The following FANCI variants were observed in gnomAD, a reference collection of about 807,000 sequenced individuals.
The protein encoded by FANCI is FA complementation group I.
FANCI carries 156 observed loss-of-function variants against 176.1 expected under a neutral mutation model. The ratio of observed to expected loss-of-function variants is 0.89; its 90% CI spans 0.78 to 1.01. FANCI has a LOEUF of 1.01. Ranked by LOEUF, FANCI falls within the 50% of genes least tolerant of loss-of-function variation. FANCI has a pLI of 0.00. For synonymous variants in FANCI, 613 were observed against 541.7 expected (o/e 1.13, Z -1.83); for missense variants, 1,678 against 1,534.1 (o/e 1.09, Z -1.57).
chr15:89,313,998 CACACAA>C (rs2055081881), intron 35 of FANCI, among the ~76,000 whole-genome samples: 1 of 149,088 alleles, frequency 6.7e-6, no homozygotes, highest in African/African-American at 2.5e-5. Context: ...CACACACACA[CACACAA>C]ATGTAGGACC....
At chr15:89,298,447 C>T (rs1221002745) in intron 24 of FANCI, among the ~76,000 whole-genome samples, 1 of 152,146 alleles carries the variant, frequency 6.6e-6, no homozygotes, top group African/African-American at 2.4e-5. Flanking sequence ...TGGAAACAAA[C>T]AGACAACATG....
intron 2 of FANCI, among the ~76,000 whole-genome samples, chr15:89,253,958 G>T (rs542280788): frequency 6.6e-6 from 1 of 152,216 alleles, no homozygotes; most frequent in African/African-American, 2.4e-5. Context: ...CTCACAAAGT[G>T]CTGGGATTAC....
At chr15:89,256,194 G>C (rs548972249) in intron 2 of FANCI, among the ~76,000 whole-genome samples, 3 of 152,306 alleles carry the variant, frequency 2.0e-5, no homozygotes, top group East Asian at 3.9e-4. Flanking sequence ...GTGGTGGGCT[G>C]TCCAGTGCAT....
Position 89,316,966 on chromosome 15 carries a change from A to C in FANCI, c.*507A>C. 2 of 707,314 alleles carry C rather than the reference A, an allele frequency of 2.8e-6. No individual in the cohort carries two copies. Among genetic ancestry groups the C allele is most frequent in the South Asian group, 3.0e-5 (2 of 66,036 alleles). The allele number at this position is 707,314 out of a possible 1,614,324, so 43.8% of individuals were successfully genotyped here. ...CAATTGCCACGAACGGTAATGTTAC[A>C]TGTTAGGAGGGTCTGTTTTCTTTTT... On this transcript the variant is annotated 3_prime_UTR_variant, in exon 38 of 38. Coordinates refer to ENST00000310775, the MANE Select transcript of FANCI (RefSeq NM_001113378.2).
In FANCI at chr15:89,291,643, C is replaced by T. The variant is rs1171055536; in HGVS notation, c.1921C>T (p.Leu641=). The change falls in exon 20 of 38, where the codon CTG becomes TTG. Residue 641 remains leucine (L), a synonymous_variant. Transcript: ENST00000310775. ...ACAGTTCTATGAGCCAAAACCTGAT[C>T]TGCTGCCTCCTCTGAAATTAGAAGC... ...LKQFYEPKPD[L]LPPLKLEACI... is the part of the protein sequence containing the mutation. 3 of 1,613,680 alleles carry T rather than the reference C, an allele frequency of 1.9e-6. No individual in the cohort carries two copies. In the Admixed American group the frequency reaches 5.0e-5, roughly 27 times the overall value.
At chr15:89,257,561 C>T (rs986974313) in intron 2 of FANCI, among the ~76,000 whole-genome samples, 1 of 152,106 alleles carries the variant, frequency 6.6e-6, no homozygotes, top group African/African-American at 2.4e-5. Context: ...CCTGACATTC[C>T]CCCTGTTTGT....
intron 9 of FANCI, among the ~76,000 whole-genome samples, chr15:89,266,230 C>T (rs541968977): frequency 3.5e-5 from 5 of 141,938 alleles, no homozygotes; most frequent in Non-Finnish European, 6.1e-5. Flanking sequence ...GGTGTGATCT[C>T]GGCTCACTGC....
In FANCI at chr15:89,290,210, T is replaced by C. The variant is rs978852872; in HGVS notation, c.1822-3T>C. On this transcript the variant is annotated splice_polypyrimidine_tract_variant and splice_region_variant and intron_variant, in intron 18 of 37. Transcript: ENST00000310775. ...CTTATTTCTTCTCTTTGATTCCTCTTAGGGGTTTTATGATGTTCTTCGAAG... is the reference window on the plus strand; with the variant it reads ...CTTATTTCTTCTCTTTGATTCCTCTCAGGGGTTTTATGATGTTCTTCGAAG... The C allele has an allele frequency of 1.2e-6, 2 of 1,612,186 alleles. No individual in the cohort carries two copies. Among genetic ancestry groups the C allele is most frequent in the Middle Eastern group, 1.7e-4 (1 of 6,060 alleles).
At chr15:89,311,333 C>T (rs866618737) in intron 34 of FANCI, among the ~76,000 whole-genome samples, 16 of 151,894 alleles carry the variant, frequency 1.1e-4, no homozygotes, top group Middle Eastern at 3.4e-3. Context: ...GCAGGAGAAT[C>T]GCTTGAACCT....
chr15:89,249,882 G>A (rs1421067831), intron 2 of FANCI, among the ~76,000 whole-genome samples: 1 of 152,170 alleles, frequency 6.6e-6, no homozygotes, highest in Non-Finnish European at 1.5e-5. Flanking sequence ...TAAAATATAT[G>A]CAGAGAACTT....
At chr15:89,303,730 CCACTTG>C (rs1334266418) in intron 27 of FANCI, 128 bp from the exon 28 acceptor site, 3 of 701,070 alleles carry the variant, frequency 4.3e-6, no homozygotes, top group African/African-American at 3.5e-5. Context: ...TCATATATTA[CCACTTG>C]AGATCTAAGG....
intron 35 of FANCI, among the ~76,000 whole-genome samples, chr15:89,313,261 GA>G (rs35546665): frequency 1.3e-5 from 2 of 151,540 alleles, no homozygotes; most frequent in African/African-American, 4.8e-5. Context: ...TGCAAATACT[GA>G]AAAAAAAGTA....
At chr15:89,301,243 A>G in intron 26 of FANCI, 83 bp from the exon 27 acceptor site, 1 of 880,844 alleles carries the variant, frequency 1.1e-6, no homozygotes. Context: ...TCCTAGTCTT[A>G]GGAGTCTCTG....
In FANCI at chr15:89,274,280, T is replaced by C; in HGVS notation, c.1088T>C (p.Met363Thr). Residue 363 changes from methionine (M) to threonine (T), a missense_variant, in exon 12 of 38, where the codon ATG becomes ACG. By Grantham distance (81) the Met-to-Thr change is moderately conservative. Transcript: ENST00000310775. ...CCTCATAGATCTTATGTTTCAACCATGATCTTGGAAGTAGTGAAGAATAGG... is the reference window on the plus strand; with the variant it reads ...CCTCATAGATCTTATGTTTCAACCACGATCTTGGAAGTAGTGAAGAATAGG... The part of the protein sequence containing the change: ...LVPHRSYVST[M>T]ILEVVKNSVH... 1 of 1,613,580 alleles carries C rather than the reference T, an allele frequency of 6.2e-7. No homozygotes were observed. Among genetic ancestry groups the C allele is most frequent in the East Asian group, 2.2e-5 (1 of 44,834 alleles).
chr15:89,314,526 C>T, intron 35 of FANCI, 86 bp from the exon 36 acceptor site: 1 of 967,088 alleles, frequency 1.0e-6, no homozygotes, highest in Admixed American at 1.7e-5. Context: ...CCCCTAAAGC[C>T]ATACAGTTTT....
intron 2 of FANCI, 138 bp downstream of exon 2, chr15:89,247,869 A>G: frequency 1.4e-6 from 1 of 702,852 alleles, no homozygotes; most frequent in South Asian, 1.8e-5. Context: ...TTTATTTAAT[A>G]ATAATTTATA....
intron 24 of FANCI, among the ~76,000 whole-genome samples, chr15:89,298,010 G>A (rs192654632): frequency 6.9e-4 from 105 of 152,122 alleles, no homozygotes; most frequent in African/African-American, 2.3e-3. Context: ...AAAAACTGAT[G>A]GAACTGAAGG....
In FANCI at chr15:89,303,863, G is replaced by A. The variant is rs117921863; in HGVS notation, c.3007-1G>A. 3 of 1,613,648 alleles carry A rather than the reference G, an allele frequency of 1.9e-6. No individual in the cohort carries two copies. Among genetic ancestry groups the A allele is most frequent in the African/African-American group, 2.7e-5 (2 of 75,014 alleles). On this transcript the variant is annotated splice_acceptor_variant, in intron 27 of 37. Transcript: ENST00000310775. LOFTEE classifies it high-confidence loss of function. ...TAATATCTGAATGATCTCTAATTTA[G>A]TTTGTGCAGATGTTATCCTGGACAT...
chr15:89,307,961 G>A, intron 34 of FANCI: 1 of 1,296,458 alleles, frequency 7.7e-7, no homozygotes, highest in Non-Finnish European at 9.9e-7. Flanking sequence ...TTATTCCTGG[G>A]TGACTGAAAG....
Sources: gnomAD v4.1 joint callset for allele counts (sites outside exome capture counted in the v4.1 genomes callset) on GRCh38, gnomAD v4.1.1 for gene constraint, MANE v1.5 for transcripts, NCBI Gene and HGNC (gene_info 2026-07-23, HGNC 2026-07-21) for gene names.